The following SCAMP1 variants were observed in gnomAD, a reference collection of about 807,000 sequenced individuals.
SCAMP1 encodes the protein secretory carrier membrane protein 1, also known as secretory carrier-associated membrane protein 1.
SCAMP1 carries 15 observed loss-of-function variants against 41.8 expected under a neutral mutation model. The observed-to-expected ratio is 0.36, with a 90% CI of 0.24 to 0.55. SCAMP1 has a LOEUF of 0.55. Among genes scored for constraint, SCAMP1 ranks in the 20% least tolerant of loss-of-function variants. The pLI, the probability that SCAMP1 is intolerant of heterozygous loss-of-function variation, is 0.86. For synonymous variants in SCAMP1, 135 were observed against 136.8 expected (o/e 0.99, Z 0.09); for missense variants, 341 against 412.6 (o/e 0.83, Z 1.50).
intron 1 of SCAMP1, among the ~76,000 whole-genome samples, chr5:78,371,381 T>C (rs1273045082): frequency 6.6e-6 from 1 of 152,212 alleles, no homozygotes; most frequent in Non-Finnish European, 1.5e-5. Flanking sequence ...CATGTGGTTA[T>C]AATGGTTGTT....
chr5:78,408,221 G>A (rs996250510), intron 2 of SCAMP1, among the ~76,000 whole-genome samples: 2 of 152,094 alleles, frequency 1.3e-5, no homozygotes, highest in African/African-American at 4.8e-5. Context: ...GCAAAGGCAC[G>A]TGTTACCTGG....
chr5:78,439,158 A>G (rs1752850029), intron 6 of SCAMP1, among the ~76,000 whole-genome samples: 1 of 152,068 alleles, frequency 6.6e-6, no homozygotes, highest in Non-Finnish European at 1.5e-5. Context: ...TGGGTTTTGA[A>G]TCTTTATCCA....
At chr5:78,426,105 C>G in intron 6 of SCAMP1, among the ~76,000 whole-genome samples, 1 of 152,142 alleles carries the variant, frequency 6.6e-6, no homozygotes, top group East Asian at 1.9e-4. Flanking sequence ...TCCTCCATGT[C>G]CCTGCAAAGG....
intron 8 of SCAMP1, among the ~76,000 whole-genome samples, chr5:78,472,392 C>T (rs934234924): frequency 4.6e-5 from 7 of 151,756 alleles, no homozygotes; most frequent in South Asian, 2.1e-4. Context: ...TCCCCTTGCC[C>T]CCCACCCCCA....
At position 78,450,027 on chromosome 5, in the gene SCAMP1, G is replaced by A; in HGVS notation, c.727G>A (p.Gly243Ser). ...CCAAGCTGCAGGATTTCATAACTGG[G>A]GCAATTGGTAAGTTTTTTTTTTTAC... ...VLQAAGFHNW[G>S]NCGWISSLTG... The change falls in exon 7 of 9, where the codon GGC becomes AGC. Residue 243 changes from glycine to serine, a missense_variant. By Grantham distance (56) the Gly-to-Ser change is moderately conservative. Transcript: ENST00000621999. The A allele has an allele frequency of 6.5e-7, 1 of 1,541,964 alleles. No individual in the cohort carries two copies. The highest frequency in any genetic ancestry group is 8.8e-7 in the Non-Finnish European group (1 of 1,142,348).
At chr5:78,437,148 C>T (rs1752778005) in intron 6 of SCAMP1, among the ~76,000 whole-genome samples, 1 of 152,174 alleles carries the variant, frequency 6.6e-6, no homozygotes, top group Admixed American at 6.5e-5. Flanking sequence ...TCTAAATATA[C>T]AATCATGTCA....
intron 6 of SCAMP1, among the ~76,000 whole-genome samples, chr5:78,439,692 C>G (rs1752867705): frequency 6.6e-6 from 1 of 152,104 alleles, no homozygotes; most frequent in African/African-American, 2.4e-5. Context: ...AATAATGTGT[C>G]TTGGAGTTGC....
Position 78,391,561 on chromosome 5 carries a change from G to A in SCAMP1, c.135+2647G>A, listed in dbSNP as rs1269886533. On this transcript the variant is annotated intron_variant, in intron 2 of 8. Transcript: ENST00000621999. ...CGGAGGGGCTCTTCACTTCTCAGAC[G>A]ATGGGTGGCCAGGCAGAGACGCTCC... Among the ~76,000 whole-genome samples the A allele has an allele frequency of 3.9e-5, 6 of 151,954 alleles. No individual in the cohort carries two copies. In the East Asian group the frequency reaches 5.8e-4, roughly 15 times the overall value.
intron 2 of SCAMP1, among the ~76,000 whole-genome samples, chr5:78,395,787 T>C (rs987584768): frequency 6.6e-6 from 1 of 152,218 alleles, no homozygotes; most frequent in Non-Finnish European, 1.5e-5. Context: ...GGCCACCTAT[T>C]TTGGCAAGCC....
Position 78,459,237 on chromosome 5 carries a change from CT to C in SCAMP1, c.735-3del. 7.5e-7 allele frequency: 1 copy of C among 1,342,064 alleles called. No individual in the cohort carries two copies. The highest frequency in any genetic ancestry group is 1.1e-6 in the Non-Finnish European group (1 of 937,550). 83.1% of individuals were successfully genotyped at this position (1,342,064 alleles called of 1,614,324 possible). On this transcript the variant is annotated splice_polypyrimidine_tract_variant and splice_region_variant and intron_variant, in intron 7 of 8. Transcript: ENST00000621999. ...TTTTGCCTAATTACACTTTTTATTA[CT>C]TTTTAGTGGTTGGATTTCATCCCTT... is the stretch of plus-strand genomic sequence containing the variant.
rs1754024992 is a variant in SCAMP1 at position 78,477,163 on chromosome 5, A to G, written c.*1495A>G. 6.6e-6 allele frequency: 1 copy of G among 152,186 alleles called. No homozygotes were observed. Among genetic ancestry groups the G allele is most frequent in the South Asian group, 2.1e-4 (1 of 4,836 alleles). 9.4% of individuals were successfully genotyped at this position (152,186 alleles called of 1,614,324 possible). ...TCATTCTCCCCAAACCTGTAGTTAC[A>G]GAAAAAGTTTTATGCTAGAGGTGGG... On this transcript the variant is annotated 3_prime_UTR_variant, in exon 9 of 9. Coordinates refer to ENST00000621999, the MANE Select transcript of SCAMP1 (RefSeq NM_004866.6).
intron 7 of SCAMP1, among the ~76,000 whole-genome samples, chr5:78,458,117 A>G (rs1409665788): frequency 6.6e-6 from 1 of 151,946 alleles, no homozygotes; most frequent in African/African-American, 2.4e-5. Flanking sequence ...CTGGTACCTC[A>G]GATGGAAATG....
At chr5:78,469,840 A>G (rs1284758196) in intron 8 of SCAMP1, among the ~76,000 whole-genome samples, 1 of 140,170 alleles carries the variant, frequency 7.1e-6, no homozygotes, top group South Asian at 2.4e-4. Flanking sequence ...GGAGTTTGAG[A>G]TCAGCCTGGG....
chr5:78,450,900 G>A (rs1389456209), intron 7 of SCAMP1, among the ~76,000 whole-genome samples: 2 of 152,118 alleles, frequency 1.3e-5, no homozygotes, highest in Admixed American at 6.5e-5. Context: ...CTCCTAATGG[G>A]CATAAATACA....
intron 7 of SCAMP1, among the ~76,000 whole-genome samples, chr5:78,457,148 G>C (rs527525850): frequency 0.027 from 4,105 of 150,330 alleles, 195 homozygotes; most frequent in African/African-American, 0.094. Flanking sequence ...CCGTAGCTCA[G>C]AGTAATTTGA....
At position 78,375,134 on chromosome 5, in the gene SCAMP1, AT is replaced by A. The variant is rs768904991; in HGVS notation, c.58-13700del. ...AGGGGAGGGCCTCTCAGCTTGGGGC[AT>A]TTCTTGTTTAATCAAATTGTCTAGT... On this transcript the variant is annotated intron_variant, in intron 1 of 8. Transcript: ENST00000621999. 7.6e-4 allele frequency among the ~76,000 whole-genome samples: 116 copies of A among 152,164 alleles called. 1 individual carries two copies. Among genetic ancestry groups the A allele is most frequent in the Middle Eastern group, 6.8e-3 (2 of 294 alleles).
intron 8 of SCAMP1, among the ~76,000 whole-genome samples, chr5:78,462,234 G>T (rs1386958059): frequency 7.2e-6 from 1 of 139,130 alleles, no homozygotes; most frequent in African/African-American, 2.7e-5. Flanking sequence ...TGTGTCTATT[G>T]TAAATGGGAT....
chr5:78,469,913 C>CAAAAAAAAAAAAAA (rs1561290939), intron 8 of SCAMP1, among the ~76,000 whole-genome samples: 31 of 23,116 alleles, frequency 1.3e-3, no homozygotes, highest in South Asian at 3.3e-3. Flanking sequence ...AAAAAAAAAA[C>CAAAAAAAAAAAAAA]AAAAAAAAAA....
chr5:78,439,266 G>A (rs552594590), intron 6 of SCAMP1, among the ~76,000 whole-genome samples: 1 of 151,422 alleles, frequency 6.6e-6, no homozygotes. Flanking sequence ...TATGATGTTC[G>A]CTGGTTATTT....
Sources: gnomAD v4.1 joint callset for allele counts (sites outside exome capture counted in the v4.1 genomes callset) on GRCh38, gnomAD v4.1.1 for gene constraint, MANE v1.5 for transcripts, NCBI Gene and HGNC (gene_info 2026-07-23, HGNC 2026-07-21) for gene names.